Variants in EHBP1 observed in about 807,000 individuals in gnomAD.
The protein encoded by EHBP1 is EH domain binding protein 1.
In EHBP1, 55 loss-of-function variants were observed where a neutral mutation model predicts 144.0. The ratio of observed to expected loss-of-function variants is 0.38; its 90% CI spans 0.31 to 0.48. The LOEUF is 0.48. Ranked by LOEUF, EHBP1 falls within the 20% of genes least tolerant of loss-of-function variation. The pLI is 0.98. For synonymous variants in EHBP1, 469 were observed against 472.7 expected, an observed-to-expected ratio of 0.99 and a Z score of 0.10; for missense variants, 1,200 against 1,364.2, an observed-to-expected ratio of 0.88 and a Z score of 1.90.
In EHBP1 at chr2:63,037,491, G is replaced by A. The variant is rs74460896; in HGVS notation, c.3104-44G>A. The A allele has an allele frequency of 7.0e-4, 955 of 1,367,168 alleles. 8 individuals are homozygous for A. In the African/African-American group the frequency reaches 0.011, roughly 15 times the overall value. 84.7% of individuals were successfully genotyped at this position (1,367,168 alleles called of 1,614,324 possible). On this transcript the variant is annotated intron_variant, in intron 19 of 22. Transcript: ENST00000431489. ...TATGTGCTAAACTACTATTTGGCTT[G>A]TTTTAACATCGTATAGTAAAAGGTA...
rs2061953784 is a variant in EHBP1 at position 63,046,346 on chromosome 2, G to A, written c.*846G>A. 1 of 152,572 alleles carries A rather than the reference G, an allele frequency of 6.6e-6. No homozygotes were observed. Among genetic ancestry groups the A allele is most frequent in the African/African-American group, 2.4e-5 (1 of 41,424 alleles). The allele number at this position is 152,572 out of a possible 1,614,324, so 9.5% of individuals were successfully genotyped here. On this transcript the variant is annotated 3_prime_UTR_variant, in exon 23 of 23. Transcript: ENST00000431489. ...TCTGTATTGATAAAAAGTCTGTCTTGCCACTACAAGTAAATCCCCCATTTA... is the reference window on the plus strand; with the variant it reads ...TCTGTATTGATAAAAAGTCTGTCTTACCACTACAAGTAAATCCCCCATTTA...
At position 63,045,095 on chromosome 2, in the gene EHBP1, C is replaced by A. The variant is rs1316212371; in HGVS notation, c.3307C>A (p.Arg1103Ser). The change falls in exon 22 of 23, where the codon CGC becomes AGC. Residue 1103 changes from arginine to serine, a missense_variant. Coordinates refer to ENST00000431489, the MANE Select transcript of EHBP1 (RefSeq NM_001142616.3). The surrounding 1 kb of genome is among the most constrained non-coding windows in gnomAD (Gnocchi z 5.7). The stretch of plus-strand genomic sequence containing the variant: ...GCAGAAGACCGAGGCCCAGAAGCGA[C>A]GCGAACAGCTTCTGCTAGATGAGCT... ...DWQKTEAQKRREQLLLDELVA... is the reference protein window; with the variant it reads ...DWQKTEAQKRSEQLLLDELVA... 1.9e-6 allele frequency: 3 copies of A among 1,579,298 alleles called. No individual in the cohort carries two copies. The highest frequency in any genetic ancestry group is 3.6e-5 in the Admixed American group (2 of 55,338).
At chr2:62,979,611 A>G (rs1353865200) in intron 15 of EHBP1, among the ~76,000 whole-genome samples, 1 of 152,204 alleles carries the variant, frequency 6.6e-6, no homozygotes, top group Non-Finnish European at 1.5e-5. Flanking sequence ...GTGATACCCC[A>G]TGATTCCTCA....
chr2:62,745,127 A>T (rs1483408594), intron 2 of EHBP1, among the ~76,000 whole-genome samples: 2 of 152,028 alleles, frequency 1.3e-5, no homozygotes, highest in African/African-American at 4.8e-5. Flanking sequence ...ATAATTAACC[A>T]ATTGGGAGTT....
At chr2:62,939,336 G>T (rs1490250272) in intron 10 of EHBP1, among the ~76,000 whole-genome samples, 1 of 152,070 alleles carries the variant, frequency 6.6e-6, no homozygotes, top group Non-Finnish European at 1.5e-5. Context: ...GTGCAGTGGT[G>T]CAATCTCAGC....
intron 5 of EHBP1, among the ~76,000 whole-genome samples, chr2:62,817,415 C>T (rs1437359334): frequency 3.3e-5 from 5 of 151,956 alleles, no homozygotes; most frequent in Non-Finnish European, 5.9e-5. Flanking sequence ...AGATGCATAC[C>T]TGGTGCATTG....
intron 2 of EHBP1, among the ~76,000 whole-genome samples, chr2:62,744,827 G>C (rs1454552237): frequency 6.6e-6 from 1 of 151,962 alleles, no homozygotes; most frequent in Middle Eastern, 3.2e-3. Context: ...TGTTGTGTAG[G>C]GGACACACTC....
chr2:62,797,451 A>C (rs1379651722), intron 5 of EHBP1, among the ~76,000 whole-genome samples: 2 of 152,248 alleles, frequency 1.3e-5, no homozygotes, highest in Non-Finnish European at 2.9e-5. Flanking sequence ...ATGTTCTCCA[A>C]GTAAAAGTCT....
intron 10 of EHBP1, among the ~76,000 whole-genome samples, chr2:62,883,167 G>A (rs2051619201): frequency 6.6e-6 from 1 of 152,172 alleles, no homozygotes; most frequent in Admixed American, 6.5e-5. Context: ...CAGGTTCATT[G>A]TGTGCAAAAC....
At chr2:62,859,739 T>C (rs1298319080) in intron 8 of EHBP1, among the ~76,000 whole-genome samples, 1 of 152,100 alleles carries the variant, frequency 6.6e-6, no homozygotes, top group Non-Finnish European at 1.5e-5. Context: ...AGAGAGTAGG[T>C]TAAGAACCGC....
At chr2:62,997,666 C>A (rs970252002) in intron 19 of EHBP1, among the ~76,000 whole-genome samples, 6 of 151,976 alleles carry the variant, frequency 3.9e-5, no homozygotes, top group Non-Finnish European at 7.4e-5. Context: ...GATTGGAAAG[C>A]TTTCCTGAAC....
chr2:62,696,284 T>G (rs1052328054), intron 1 of EHBP1, among the ~76,000 whole-genome samples: 2 of 149,516 alleles, frequency 1.3e-5, no homozygotes, highest in Non-Finnish European at 3.0e-5. Context: ...AATTCTCCTG[T>G]CTCAGCCTCC....
chr2:62,900,309 A>G (rs2053291245), intron 10 of EHBP1, among the ~76,000 whole-genome samples: 1 of 152,158 alleles, frequency 6.6e-6, no homozygotes, highest in South Asian at 2.1e-4. Flanking sequence ...ATGGGAGGTT[A>G]TCTTACTTAA....
At chr2:62,773,316 G>A (rs955684683) in intron 5 of EHBP1, among the ~76,000 whole-genome samples, 1 of 152,010 alleles carries the variant, frequency 6.6e-6, no homozygotes, top group African/African-American at 2.4e-5. Context: ...CTCTGTCTAG[G>A]TGTATTAACT....
At chr2:62,897,359 A>G (rs547346363) in intron 10 of EHBP1, among the ~76,000 whole-genome samples, 6 of 152,310 alleles carry the variant, frequency 3.9e-5, no homozygotes, top group African/African-American at 1.4e-4. Context: ...CCAATTACTC[A>G]TACATGGTGT....
intron 1 of EHBP1, among the ~76,000 whole-genome samples, chr2:62,679,661 A>G (rs1474059367): frequency 6.6e-6 from 1 of 152,224 alleles, no homozygotes; most frequent in African/African-American, 2.4e-5. Context: ...CTCAACGGTA[A>G]TAAAAGACTT....
intron 5 of EHBP1, among the ~76,000 whole-genome samples, chr2:62,814,169 G>T (rs1472454377): frequency 6.6e-6 from 1 of 152,244 alleles, no homozygotes; most frequent in Non-Finnish European, 1.5e-5. Context: ...GGAACTGTAT[G>T]AGGTGAATAG....
At chr2:62,831,186 G>GTT in intron 7 of EHBP1, 28 bp downstream of exon 7, 1 of 1,564,364 alleles carries the variant, frequency 6.4e-7, no homozygotes, top group Non-Finnish European at 8.6e-7. Flanking sequence ...TAAACTAAAA[G>GTT]TTTATCTTTT....
At chr2:62,923,740 C>G (rs1301272992) in intron 10 of EHBP1, among the ~76,000 whole-genome samples, 1 of 152,114 alleles carries the variant, frequency 6.6e-6, no homozygotes, top group East Asian at 1.9e-4. Context: ...AGAAACACTC[C>G]GAGGCCTAAG....
Sources: gnomAD v4.1 joint callset for allele counts (sites outside exome capture counted in the v4.1 genomes callset) on GRCh38, gnomAD v4.1.1 for gene constraint, Gnocchi (gnomAD v3.1) non-coding constraint, MANE v1.5 for transcripts, NCBI Gene and HGNC (gene_info 2026-07-23, HGNC 2026-07-21) for gene names.